SUPT3H: variants seen among roughly 807,000 people sequenced by gnomAD.
SUPT3H encodes transcription initiation protein SPT3 homolog.
A neutral mutation model predicts 44.3 loss-of-function variants in SUPT3H; 44 were observed. The observed-to-expected ratio is 0.99, with a 90% confidence interval of 0.78 to 1.28. The LOEUF is 1.28. Ranked by LOEUF, SUPT3H falls within the 50% of genes most tolerant of loss-of-function variation. The pLI, the probability that SUPT3H is intolerant of heterozygous loss-of-function variation, is 0.00. For missense variants in SUPT3H, 380 were observed against 387.1 expected (o/e 0.98, Z 0.15); for synonymous variants, 124 against 125.6 (o/e 0.99, Z 0.09).
chr6:45,068,401 C>A (rs984501346), intron 3 of SUPT3H, among the ~76,000 whole-genome samples: 9 of 146,274 alleles, frequency 6.2e-5, no homozygotes, highest in Non-Finnish European at 1.3e-4. Context: ...CAGCATGGCA[C>A]ATGTATACAT....
At chr6:45,193,111 T>C (rs1474291884) in intron 2 of SUPT3H, among the ~76,000 whole-genome samples, 1 of 152,144 alleles carries the variant, frequency 6.6e-6, no homozygotes, top group Non-Finnish European at 1.5e-5. Flanking sequence ...TAAGGGACCA[T>C]GACCACCACG....
At chr6:45,040,875 C>T (rs1246876130) in intron 3 of SUPT3H, among the ~76,000 whole-genome samples, 2 of 152,072 alleles carry the variant, frequency 1.3e-5, no homozygotes, top group Non-Finnish European at 2.9e-5. Context: ...TTTGTCCCTC[C>T]CTTATATGTG....
At chr6:44,959,472 G>C (rs968020085) in intron 7 of SUPT3H, among the ~76,000 whole-genome samples, 4 of 151,874 alleles carry the variant, frequency 2.6e-5, no homozygotes, top group Middle Eastern at 3.4e-3. Context: ...ACAAAATCTA[G>C]ATAAAACCAA....
chr6:45,043,096 A>G (rs997150770), intron 3 of SUPT3H, among the ~76,000 whole-genome samples: 9 of 151,560 alleles, frequency 5.9e-5, no homozygotes, highest in Non-Finnish European at 1.2e-4. Flanking sequence ...GAACTATCCC[A>G]TAAGAAGTAC....
intron 2 of SUPT3H, among the ~76,000 whole-genome samples, chr6:45,243,100 G>A (rs1402440365): frequency 6.7e-6 from 1 of 149,426 alleles, no homozygotes; most frequent in Non-Finnish European, 1.5e-5. Context: ...AGGCTGCGGT[G>A]GGAGGATTGC....
In SUPT3H at chr6:45,168,213, A is replaced by G. The variant is rs570730593; in HGVS notation, c.102-62207T>C. On this transcript the variant is annotated intron_variant, in intron 2 of 10. Coordinates refer to ENST00000371459, the MANE Select transcript of SUPT3H (RefSeq NM_003599.4). ...GGAAAACTGTTTACCTGTGTTCTTC[A>G]GGGCACTACTGCTTTCTAGGAATCT... Among the ~76,000 whole-genome samples, 65 of 152,280 alleles carry G rather than the reference A, an allele frequency of 4.3e-4. No homozygotes were observed. In the East Asian group the frequency reaches 0.011, roughly 26 times the overall value.
At chr6:45,086,207 T>A (rs1198787788) in intron 3 of SUPT3H, among the ~76,000 whole-genome samples, 1 of 152,054 alleles carries the variant, frequency 6.6e-6, no homozygotes, top group Admixed American at 6.6e-5. Context: ...CAAATTTCAT[T>A]ATCTGTATTG....
At chr6:44,991,214 GT>G (rs956206309) in intron 6 of SUPT3H, among the ~76,000 whole-genome samples, 2 of 152,026 alleles carry the variant, frequency 1.3e-5, no homozygotes, top group African/African-American at 4.8e-5. Flanking sequence ...ACACTCAAAA[GT>G]TTATTTCATG....
At chr6:45,197,119 T>A (rs890080982) in intron 2 of SUPT3H, among the ~76,000 whole-genome samples, 1 of 151,714 alleles carries the variant, frequency 6.6e-6, no homozygotes, top group Non-Finnish European at 1.5e-5. Flanking sequence ...CATTTTAATA[T>A]TAAAATTGCT....
chr6:44,952,682 G>A (rs1486948710), intron 9 of SUPT3H, among the ~76,000 whole-genome samples: 5 of 152,196 alleles, frequency 3.3e-5, no homozygotes, highest in African/African-American at 1.2e-4. Flanking sequence ...TACATTTCTG[G>A]TTTTGAGGTA....
chr6:44,932,624 T>G, intron 10 of SUPT3H, 29 bp downstream of exon 10: 1 of 1,461,992 alleles, frequency 6.8e-7, no homozygotes, highest in Non-Finnish European at 9.4e-7. Flanking sequence ...ATTATAAATA[T>G]AACTTTTTAT....
At chr6:45,018,993 G>C (rs1299122954) in intron 4 of SUPT3H, among the ~76,000 whole-genome samples, 1 of 152,076 alleles carries the variant, frequency 6.6e-6, no homozygotes, top group Admixed American at 6.6e-5. Flanking sequence ...CTTTTTGGTT[G>C]GTAAGCTATT....
chr6:45,153,827 G>A (rs1423103997), intron 2 of SUPT3H, among the ~76,000 whole-genome samples: 3 of 152,128 alleles, frequency 2.0e-5, no homozygotes, highest in Non-Finnish European at 4.4e-5. Flanking sequence ...CAGCACTTTG[G>A]GAGGCTGAGG....
At position 45,162,993 on chromosome 6, in the gene SUPT3H, G is replaced by C. The variant is rs1172219158; in HGVS notation, c.102-56987C>G. Among the ~76,000 whole-genome samples the C allele has an allele frequency of 6.6e-5, 10 of 152,232 alleles. No homozygotes were observed. In the East Asian group the frequency reaches 1.7e-3, roughly 26 times the overall value. On this transcript the variant is annotated intron_variant, in intron 2 of 10. Coordinates refer to ENST00000371459, the MANE Select transcript of SUPT3H (RefSeq NM_003599.4). Reference sequence around the variant, plus strand: ...GAAGTGACAATTATTTTCTTGTTTTGATAGAGCACAAGAACAACTGATGTT... The same window carrying C: ...GAAGTGACAATTATTTTCTTGTTTTCATAGAGCACAAGAACAACTGATGTT...
intron 2 of SUPT3H, among the ~76,000 whole-genome samples, chr6:45,109,485 G>A (rs760960212): frequency 6.6e-6 from 1 of 151,384 alleles, no homozygotes; most frequent in Non-Finnish European, 1.5e-5. Flanking sequence ...AAGCTTTTAT[G>A]AGAAAGTTAG....
At chr6:45,272,303 T>C (rs1285782139) in intron 2 of SUPT3H, among the ~76,000 whole-genome samples, 1 of 151,944 alleles carries the variant, frequency 6.6e-6, no homozygotes, top group Non-Finnish European at 1.5e-5. Context: ...TTCCCACAGG[T>C]TGTGGGAGGG....
intron 2 of SUPT3H, among the ~76,000 whole-genome samples, chr6:45,331,103 T>C (rs1787386109): frequency 8.2e-6 from 1 of 122,530 alleles, no homozygotes; most frequent in Admixed American, 9.1e-5. Flanking sequence ...ATACAATGAG[T>C]GGTGTGTGTG....
chr6:45,307,241 G>A (rs970245576), intron 2 of SUPT3H, among the ~76,000 whole-genome samples: 5 of 152,144 alleles, frequency 3.3e-5, no homozygotes, highest in Non-Finnish European at 5.9e-5. Context: ...AGACTTAAAC[G>A]TCCCTGTCTC....
At chr6:45,241,504 A>G (rs1770318693) in intron 2 of SUPT3H, among the ~76,000 whole-genome samples, 1 of 152,144 alleles carries the variant, frequency 6.6e-6, no homozygotes. Flanking sequence ...GAATACTTTT[A>G]ATCTATAATC....
Sources: gnomAD v4.1 joint callset for allele counts (sites outside exome capture counted in the v4.1 genomes callset) on GRCh38, gnomAD v4.1.1 for gene constraint, MANE v1.5 for transcripts, NCBI Gene and HGNC (gene_info 2026-07-23, HGNC 2026-07-21) for gene names.